CEP152: variants seen among roughly 807,000 people sequenced by gnomAD.
CEP152 encodes the protein centrosomal protein 152, also known as centrosomal protein of 152 kDa.
CEP152 carries 132 observed loss-of-function variants against 188.9 expected under a neutral mutation model. That is an observed-to-expected ratio of 0.70 (90% CI 0.61 to 0.81). The LOEUF (loss-of-function observed/expected upper bound fraction) is 0.81, where lower values mean the gene tolerates loss of function less well. Ranked by LOEUF, CEP152 falls within the 30% of genes least tolerant of loss-of-function variation. The pLI, the probability that CEP152 is intolerant of heterozygous loss-of-function variation, is 0.00. For synonymous variants in CEP152, 649 were observed against 666.6 expected, an observed-to-expected ratio of 0.97 and a Z score of 0.41; for missense variants, 1,914 against 1,969.8, an observed-to-expected ratio of 0.97 and a Z score of 0.54.
chr15:48,765,571 T>C (rs1185419663), intron 17 of CEP152: 4 of 424,722 alleles, frequency 9.4e-6, no homozygotes, highest in Admixed American at 5.8e-5. Context: ...ATTGATTCTA[T>C]TAAAAGTATC....
intron 20 of CEP152, among the ~76,000 whole-genome samples, chr15:48,755,636 AG>A (rs1894201492): frequency 6.6e-6 from 1 of 152,132 alleles, no homozygotes; most frequent in African/African-American, 2.4e-5. Flanking sequence ...CGCATGCATT[AG>A]GTATTTGTCC....
At position 48,807,281 on chromosome 15, in the gene CEP152, A is replaced by C. The variant is rs147789597; in HGVS notation, c.-7-1625T>G. ...AGATGAAGATATGAATATGATAAAAAGCCTGTAACATGAAATGGTGAGGGA... is the reference window on the plus strand; with the variant it reads ...AGATGAAGATATGAATATGATAAAACGCCTGTAACATGAAATGGTGAGGGA... On this transcript the variant is annotated intron_variant, in intron 1 of 26. Coordinates refer to ENST00000380950, the MANE Select transcript of CEP152 (RefSeq NM_001194998.2). Among the ~76,000 whole-genome samples, 690 of 152,332 alleles carry C rather than the reference A, an allele frequency of 4.5e-3. 3 individuals carry two copies. The highest frequency in any genetic ancestry group is 7.4e-3 in the Non-Finnish European group (505 of 68,032).
rs941395760 is a variant in CEP152, at chr15:48,738,171, A to C, written c.*78T>G. On this transcript the variant is annotated 3_prime_UTR_variant, in exon 27 of 27. Transcript: ENST00000380950. ...AAACATCTCAAAAGAGGCAGGGCTC[A>C]CAATTTTTTTCAGTATGAGGTCTTC... 1.3e-5 allele frequency: 18 copies of C among 1,437,372 alleles called. No homozygotes were observed. Among genetic ancestry groups the C allele is most frequent in the Non-Finnish European group, 1.6e-5 (17 of 1,076,362 alleles). 89.0% of individuals were successfully genotyped at this position (1,437,372 alleles called of 1,614,324 possible).
rs1251049909 is a variant in CEP152, at chr15:48,791,358, G to C, written c.851C>G (p.Thr284Ser). The part of the protein sequence containing the change: ...VIIKDEKDGL[T>S]LSLRESQKLF... Reference sequence around the variant, plus strand: ...TTTCTGTGATTCTCGAAGGCTGAGAGTCAAACCATCCTTTTCATCTACGGT... The same window carrying C: ...TTTCTGTGATTCTCGAAGGCTGAGACTCAAACCATCCTTTTCATCTACGGT... The change falls in exon 8 of 27, where the codon ACT becomes AGT. Residue 284 changes from threonine to serine, a missense_variant. By Grantham distance (58) the Thr-to-Ser change is moderately conservative. Transcript: ENST00000380950. 6.2e-7 allele frequency: 1 copy of C among 1,611,890 alleles called. No homozygotes were observed. The highest frequency in any genetic ancestry group is 1.3e-5 in the African/African-American group (1 of 74,848).
chr15:48,767,605 G>T, intron 15 of CEP152, 142 bp from the exon 16 acceptor site: 2 of 1,072,168 alleles, frequency 1.9e-6, no homozygotes, highest in Non-Finnish European at 2.8e-6. Context: ...ACTGAAAGTG[G>T]TAATAATTAA....
intron 1 of CEP152, among the ~76,000 whole-genome samples, chr15:48,809,914 G>A (rs1038117092): frequency 6.6e-6 from 1 of 152,164 alleles, no homozygotes; most frequent in Admixed American, 6.5e-5. Context: ...ACCTCCTATG[G>A]AACAAAAATG....
chr15:48,807,748 G>A (rs1406573494), intron 1 of CEP152, among the ~76,000 whole-genome samples: 1 of 152,112 alleles, frequency 6.6e-6, no homozygotes, highest in Non-Finnish European at 1.5e-5. Context: ...GAGAAGAGAG[G>A]TTTGTTCCCA....
At chr15:48,778,678 G>C (rs549733000) in intron 12 of CEP152, among the ~76,000 whole-genome samples, 2 of 152,082 alleles carry the variant, frequency 1.3e-5, no homozygotes, top group Non-Finnish European at 2.9e-5. Context: ...GGCCGGGCGC[G>C]GTGGCTGAAG....
At chr15:48,755,489 A>G (rs976795801) in intron 20 of CEP152, among the ~76,000 whole-genome samples, 1 of 152,184 alleles carries the variant, frequency 6.6e-6, no homozygotes, top group African/African-American at 2.4e-5. Context: ...TCAGGCCCTT[A>G]GAAAGAACAG....
chr15:48,809,262 A>T, intron 1 of CEP152, among the ~76,000 whole-genome samples: 1 of 152,208 alleles, frequency 6.6e-6, no homozygotes, highest in Middle Eastern at 3.2e-3. Context: ...ATACGAATTC[A>T]TTACTTCAAT....
rs34837739 is a variant in CEP152, at chr15:48,765,636, A to ATTTTT, written c.2280+1419_2280+1423dup. ...GAAAATTCCTCTTATGTTCTTGCCA[A>ATTTTT]TTTTTTTTTTTTTTTTTTTTTTTTT... On this transcript the variant is annotated intron_variant, in intron 17 of 26. Coordinates refer to ENST00000380950, the MANE Select transcript of CEP152 (RefSeq NM_001194998.2). The ATTTTT allele has an allele frequency of 5.1e-3, 961 of 189,304 alleles. 22 individuals carry two copies. Among genetic ancestry groups the ATTTTT allele is most frequent in the African/African-American group, 6.7e-3 (106 of 15,714 alleles). 11.7% of individuals were successfully genotyped at this position (189,304 alleles called of 1,614,324 possible). A position where few individuals can be genotyped will look rare whatever the true frequency, so the allele number is the denominator to read the frequency against.
intron 26 of CEP152, among the ~76,000 whole-genome samples, chr15:48,740,092 C>T (rs1892845094): frequency 6.6e-6 from 1 of 152,150 alleles, no homozygotes; most frequent in Non-Finnish European, 1.5e-5. Context: ...AAAAATCTCT[C>T]AGTGTGATTG....
chr15:48,780,557 TG>T (rs1896178572), intron 12 of CEP152, among the ~76,000 whole-genome samples: 1 of 152,186 alleles, frequency 6.6e-6, no homozygotes, highest in Non-Finnish European at 1.5e-5. Flanking sequence ...AAAAGGGTGG[TG>T]GTAAGGGCCA....
At chr15:48,796,248 C>A in intron 5 of CEP152, 88 bp from the exon 6 acceptor site, 2 of 1,457,836 alleles carry the variant, frequency 1.4e-6, no homozygotes, top group Non-Finnish European at 1.9e-6. Context: ...TGTTACGTTA[C>A]AGAACTTACT....
intron 17 of CEP152, chr15:48,765,529 A>G: frequency 2.5e-6 from 1 of 394,314 alleles, no homozygotes; most frequent in Admixed American, 3.6e-5. Flanking sequence ...ATTGTAACTG[A>G]CCCATTATAT....
chr15:48,758,284 C>G (rs947077174), intron 19 of CEP152, among the ~76,000 whole-genome samples: 2 of 152,220 alleles, frequency 1.3e-5, no homozygotes, highest in African/African-American at 4.8e-5. Context: ...TGCTATGGAA[C>G]CGGCCCTTTC....
chr15:48,797,253 A>C (rs1398776810), intron 5 of CEP152, 48 bp downstream of exon 5: 1 of 1,597,488 alleles, frequency 6.3e-7, no homozygotes. Flanking sequence ...CATCACGCAA[A>C]TGCGTGTGCA....
chr15:48,761,071 A>G (rs1253374685), intron 18 of CEP152, among the ~76,000 whole-genome samples: 2 of 152,196 alleles, frequency 1.3e-5, no homozygotes, highest in Non-Finnish European at 2.9e-5. Flanking sequence ...TTAAAAAGTT[A>G]TTATGAAATA....
chr15:48,750,976 T>TA (rs2140633603), intron 21 of CEP152, among the ~76,000 whole-genome samples: 1 of 152,264 alleles, frequency 6.6e-6, no homozygotes, highest in South Asian at 2.1e-4. Context: ...CTTCATAACT[T>TA]ACAGATGCAT....
Sources: gnomAD v4.1 joint callset for allele counts (sites outside exome capture counted in the v4.1 genomes callset) on GRCh38, gnomAD v4.1.1 for gene constraint, MANE v1.5 for transcripts, NCBI Gene and HGNC (gene_info 2026-07-23, HGNC 2026-07-21) for gene names.